INPP5A: variants seen among roughly 807,000 people sequenced by gnomAD.
The protein encoded by INPP5A is 43 kDa inositol polyphosphate 5-phophatase.
Under a neutral mutation model 65.2 loss-of-function variants are expected in INPP5A, and 14 were observed. The ratio of observed to expected loss-of-function variants is 0.21; its 90% CI spans 0.14 to 0.34. INPP5A has a LOEUF of 0.34. Ranked by LOEUF, INPP5A falls within the 10% of genes least tolerant of loss-of-function variation. INPP5A has a pLI of 1.00. For missense variants in INPP5A, 431 were observed against 545.6 expected, an observed-to-expected ratio of 0.79 and a Z score of 2.09; for synonymous variants, 207 against 208.3, an observed-to-expected ratio of 0.99 and a Z score of 0.05.
intron 9 of INPP5A, among the ~76,000 whole-genome samples, chr10:132,746,317 A>T (rs1846370931): frequency 2.0e-5 from 3 of 152,114 alleles, no homozygotes; most frequent in Admixed American, 1.3e-4. Flanking sequence ...GTCTGAGAGG[A>T]TGTGTTTGCC....
At chr10:132,664,755 A>G (rs959928704) in intron 4 of INPP5A, among the ~76,000 whole-genome samples, 8 of 152,190 alleles carry the variant, frequency 5.3e-5, no homozygotes, top group Admixed American at 1.3e-4. Context: ...TAGAACTGCT[A>G]TGTGCTCTTT....
chr10:132,581,845 C>CTT (rs915378828), intron 1 of INPP5A, among the ~76,000 whole-genome samples: 2 of 148,030 alleles, frequency 1.4e-5, no homozygotes, highest in Non-Finnish European at 3.0e-5. Flanking sequence ...TGTTCATTTT[C>CTT]TTTTTTTTTT....
At position 132,545,604 on chromosome 10, in the gene INPP5A, A is replaced by G. The variant is rs1030655725; in HGVS notation, c.75+7433A>G. 6.6e-6 allele frequency among the ~76,000 whole-genome samples: 1 copy of G among 152,210 alleles called. No homozygotes were observed. Among genetic ancestry groups the G allele is most frequent in the Non-Finnish European group, 1.5e-5 (1 of 68,026 alleles). ...AAATACCTGTGGGGGCCTTAGGGGAAGAGGGTGCGGAACAGGCAGGCTGTT... is the reference window on the plus strand; with the variant it reads ...AAATACCTGTGGGGGCCTTAGGGGAGGAGGGTGCGGAACAGGCAGGCTGTT... On this transcript the variant is annotated intron_variant, in intron 1 of 15. Coordinates refer to ENST00000368594, the MANE Select transcript of INPP5A (RefSeq NM_005539.5). The surrounding 1 kb of genome is among the most constrained non-coding windows in gnomAD (Gnocchi z 4.6).
chr10:132,744,437 C>T (rs1248370360), intron 9 of INPP5A, among the ~76,000 whole-genome samples: 5 of 152,136 alleles, frequency 3.3e-5, no homozygotes, highest in South Asian at 2.1e-4. Flanking sequence ...GCGGCTCCAC[C>T]GGTCCCTGTG....
At chr10:132,670,843 CTTT>C (rs11289296) in intron 4 of INPP5A, among the ~76,000 whole-genome samples, 20 of 117,018 alleles carry the variant, frequency 1.7e-4, no homozygotes, top group Non-Finnish European at 1.9e-4. Context: ...GTCTTTCTTT[CTTT>C]TTTTTTTTTT....
At chr10:132,564,489 C>A (rs886867190) in intron 1 of INPP5A, among the ~76,000 whole-genome samples, 1 of 152,024 alleles carries the variant, frequency 6.6e-6, no homozygotes, top group African/African-American at 2.4e-5. Context: ...TGCGGCCCCT[C>A]CTCCTCCTCA....
Position 132,644,331 on chromosome 10 carries a change from C to CCT in INPP5A, c.118-1537_118-1536insCT, listed in dbSNP as rs1564946437. ...CTGCCGCTGCCACCTGCAGCACAGA[C>CCT]GGAGCCTGTGCACGGGGCCTGGTCA... On this transcript the variant is annotated intron_variant, in intron 2 of 15. Coordinates refer to ENST00000368594, the MANE Select transcript of INPP5A (RefSeq NM_005539.5). The surrounding 1 kb of genome is among the most constrained non-coding windows in gnomAD (Gnocchi z 6.5). Among the ~76,000 whole-genome samples the CCT allele has an allele frequency of 1.3e-5, 2 of 152,234 alleles. No individual in the cohort carries two copies. The highest frequency in any genetic ancestry group is 4.8e-5 in the African/African-American group (2 of 41,464).
intron 4 of INPP5A, among the ~76,000 whole-genome samples, chr10:132,664,391 G>T (rs946039716): frequency 6.6e-6 from 1 of 152,244 alleles, no homozygotes; most frequent in African/African-American, 2.4e-5. Context: ...TTAATCCACA[G>T]AATGAATGTG....
intron 2 of INPP5A, among the ~76,000 whole-genome samples, chr10:132,632,618 G>A (rs2072290791): frequency 6.6e-6 from 1 of 152,180 alleles, no homozygotes; most frequent in Non-Finnish European, 1.5e-5. Flanking sequence ...ACTGCACCCC[G>A]CCCAGATTGT....
rs572426472 is a variant in INPP5A at position 132,626,500 on chromosome 10, T to C, written c.117+18544T>C. ...GTCTCTCACAGTTGGTGCTGTCCTTTGCCTTTCGGCTCCCTGACACCGCTA... is the reference window on the plus strand; with the variant it reads ...GTCTCTCACAGTTGGTGCTGTCCTTCGCCTTTCGGCTCCCTGACACCGCTA... On this transcript the variant is annotated intron_variant, in intron 2 of 15. Transcript: ENST00000368594. Among the ~76,000 whole-genome samples the C allele has an allele frequency of 4.6e-5, 7 of 152,334 alleles. No individual in the cohort carries two copies. In the East Asian group the frequency reaches 1.2e-3, roughly 25 times the overall value.
At position 132,587,025 on chromosome 10, in the gene INPP5A, C is replaced by T. The variant is rs1023614420; in HGVS notation, c.76-20890C>T. Among the ~76,000 whole-genome samples, 16 of 152,234 alleles carry T rather than the reference C, an allele frequency of 1.1e-4. No homozygotes were observed. Among genetic ancestry groups the T allele is most frequent in the East Asian group, 1.9e-4 (1 of 5,200 alleles). On this transcript the variant is annotated intron_variant, in intron 1 of 15. Coordinates refer to ENST00000368594, the MANE Select transcript of INPP5A (RefSeq NM_005539.5). This position sits in a 1 kb window ranked among gnomAD's most constrained non-coding sequence, Gnocchi z 4.3. ...CCCGTCCCCTGGGTGGCCCCTCCCC[C>T]GCCATCGTTACGCTGTCATCAGCAA...
chr10:132,689,232 G>T (rs906825488), intron 4 of INPP5A, among the ~76,000 whole-genome samples: 1 of 152,174 alleles, frequency 6.6e-6, no homozygotes, highest in Admixed American at 6.5e-5. Flanking sequence ...TGGGGTTAGA[G>T]CCCCCAGTGG....
At chr10:132,586,963 A>G (rs2071553156) in intron 1 of INPP5A, among the ~76,000 whole-genome samples, 1 of 151,976 alleles carries the variant, frequency 6.6e-6, no homozygotes, top group African/African-American at 2.4e-5. Context: ...CTAGTTTTTC[A>G]TCATCTGTCG....
At chr10:132,542,803 T>C (rs2133241574) in intron 1 of INPP5A, among the ~76,000 whole-genome samples, 1 of 152,256 alleles carries the variant, frequency 6.6e-6, no homozygotes, top group South Asian at 2.1e-4. Context: ...CATTTCTTTT[T>C]CCTTTTCTTT....
chr10:132,619,006 T>G (rs1038100834), intron 2 of INPP5A, among the ~76,000 whole-genome samples: 6 of 152,210 alleles, frequency 3.9e-5, no homozygotes, highest in Non-Finnish European at 8.8e-5. Flanking sequence ...AACTGTATCA[T>G]TCTGCCCCAG....
At chr10:132,584,929 G>C (rs2133304818) in intron 1 of INPP5A, among the ~76,000 whole-genome samples, 1 of 152,248 alleles carries the variant, frequency 6.6e-6, no homozygotes, top group South Asian at 2.1e-4. Context: ...GTTTCACTGT[G>C]TTGTCTAGAC....
At position 132,637,160 on chromosome 10, in the gene INPP5A, TC is replaced by T. The variant is rs1454332333; in HGVS notation, c.118-8706del. The stretch of plus-strand genomic sequence containing the variant: ...CTTGATCTCCTGACCTTGTGGTTGA[TC>T]CGCCCGCTGCCTCGGCCTCCCAAAG... On this transcript the variant is annotated intron_variant, in intron 2 of 15. Transcript: ENST00000368594. The surrounding 1 kb of genome is among the most constrained non-coding windows in gnomAD (Gnocchi z 4.1). Among the ~76,000 whole-genome samples, 5 of 152,210 alleles carry T rather than the reference TC, an allele frequency of 3.3e-5. No individual in the cohort carries two copies. The highest frequency in any genetic ancestry group is 1.2e-4 in the African/African-American group (5 of 41,446).
intron 9 of INPP5A, among the ~76,000 whole-genome samples, chr10:132,728,867 G>A (rs1050220979): frequency 2.6e-5 from 4 of 152,202 alleles, no homozygotes; most frequent in Admixed American, 2.6e-4. Context: ...TGAGCCCGGT[G>A]GCCGGGCCGT....
At chr10:132,586,860 C>T (rs111313531) in intron 1 of INPP5A, among the ~76,000 whole-genome samples, 25 of 152,236 alleles carry the variant, frequency 1.6e-4, no homozygotes, top group African/African-American at 5.1e-4. Flanking sequence ...TTCTCTCCTG[C>T]GCGTCAGAAG....
Sources: gnomAD v4.1 joint callset for allele counts (sites outside exome capture counted in the v4.1 genomes callset) on GRCh38, gnomAD v4.1.1 for gene constraint, Gnocchi (gnomAD v3.1) non-coding constraint, MANE v1.5 for transcripts, NCBI Gene and HGNC (gene_info 2026-07-23, HGNC 2026-07-21) for gene names.